The following PRKG1 variants were observed in gnomAD, a reference collection of about 807,000 sequenced individuals.
PRKG1 encodes protein kinase cGMP-dependent 1.
A neutral mutation model predicts 88.1 loss-of-function variants in PRKG1; 35 were observed. The ratio of observed to expected loss-of-function variants is 0.40; its 90% CI spans 0.30 to 0.53. PRKG1 has a LOEUF of 0.53. Among genes scored for constraint, PRKG1 ranks in the 20% least tolerant of loss-of-function variants. The pLI is 0.59. For synonymous variants in PRKG1, 303 were observed against 292.5 expected, an observed-to-expected ratio of 1.04 and a Z score of -0.37; for missense variants, 540 against 839.8, an observed-to-expected ratio of 0.64 and a Z score of 4.41.
At chr10:51,166,176 A>G (rs1846533356) in intron 2 of PRKG1, among the ~76,000 whole-genome samples, 1 of 151,880 alleles carries the variant, frequency 6.6e-6, no homozygotes, top group Admixed American at 6.6e-5. Context: ...TTGATGGTTC[A>G]CTCAATGACG....
chr10:52,260,163 A>C (rs887502824), intron 10 of PRKG1, among the ~76,000 whole-genome samples: 2 of 152,006 alleles, frequency 1.3e-5, no homozygotes, highest in African/African-American at 4.8e-5. Context: ...ATTTTAAAAA[A>C]TATTTTAAAT....
intron 3 of PRKG1, among the ~76,000 whole-genome samples, chr10:51,641,725 C>T (rs1478281093): frequency 6.6e-6 from 1 of 152,132 alleles, no homozygotes; most frequent in Non-Finnish European, 1.5e-5. Context: ...CACTGCTAAC[C>T]TCCCACCATC....
chr10:52,155,004 T>C (rs2132674673), intron 8 of PRKG1, among the ~76,000 whole-genome samples: 1 of 152,330 alleles, frequency 6.6e-6, no homozygotes, highest in East Asian at 1.9e-4. Context: ...TATTCCATGG[T>C]GTATATATAC....
At chr10:51,218,530 T>A (rs1017700626) in intron 2 of PRKG1, among the ~76,000 whole-genome samples, 9 of 62,570 alleles carry the variant, frequency 1.4e-4, no homozygotes, top group South Asian at 4.5e-4. Flanking sequence ...TATATATATA[T>A]AAAATGTGTG....
chr10:51,274,311 G>T (rs192165895), intron 2 of PRKG1, among the ~76,000 whole-genome samples: 1 of 152,198 alleles, frequency 6.6e-6, no homozygotes, highest in East Asian at 1.9e-4. Flanking sequence ...AGACTTCTGA[G>T]AACTTGTTAT....
intron 5 of PRKG1, among the ~76,000 whole-genome samples, chr10:51,913,772 A>G (rs1842277655): frequency 6.6e-6 from 1 of 152,218 alleles, no homozygotes; most frequent in Non-Finnish European, 1.5e-5. Flanking sequence ...AATCGAGACA[A>G]TAAATATTAG....
intron 3 of PRKG1, among the ~76,000 whole-genome samples, chr10:51,747,872 C>T (rs764712277): frequency 4.6e-5 from 7 of 151,966 alleles, no homozygotes; most frequent in African/African-American, 9.7e-5. Flanking sequence ...CAGGTTCAAG[C>T]GAGAATTCTT....
At chr10:51,768,409 A>G (rs1438061503) in intron 3 of PRKG1, among the ~76,000 whole-genome samples, 1 of 152,172 alleles carries the variant, frequency 6.6e-6, no homozygotes, top group East Asian at 1.9e-4. Flanking sequence ...CTTAATTTTA[A>G]AATATATGGC....
chr10:51,773,021 A>G (rs1007343653), intron 3 of PRKG1, among the ~76,000 whole-genome samples: 1 of 152,112 alleles, frequency 6.6e-6, no homozygotes, highest in Non-Finnish European at 1.5e-5. Flanking sequence ...TTTCAATAGA[A>G]TGGACCATAC....
chr10:52,233,973 C>A (rs927745596), intron 9 of PRKG1, among the ~76,000 whole-genome samples: 36 of 151,788 alleles, frequency 2.4e-4, no homozygotes, highest in East Asian at 3.9e-4. Context: ...ATCTGAGAAC[C>A]GGCAGACTGC....
At chr10:51,801,920 A>G (rs1006716313) in intron 3 of PRKG1, among the ~76,000 whole-genome samples, 1 of 152,156 alleles carries the variant, frequency 6.6e-6, no homozygotes, top group Non-Finnish European at 1.5e-5. Flanking sequence ...CAAAAAGGAA[A>G]ATCACTTCCC....
intron 2 of PRKG1, among the ~76,000 whole-genome samples, chr10:51,401,253 T>G (rs1357864842): frequency 6.6e-6 from 1 of 152,222 alleles, no homozygotes; most frequent in African/African-American, 2.4e-5. Flanking sequence ...ATATTTTACA[T>G]TTATAGCACA....
intron 3 of PRKG1, among the ~76,000 whole-genome samples, chr10:51,798,407 G>A (rs1466219958): frequency 1.3e-5 from 2 of 151,976 alleles, no homozygotes; most frequent in East Asian, 1.9e-4. Context: ...GGTTAGTGGT[G>A]TTGAACATCA....
At chr10:52,168,825 A>T (rs1299267056) in intron 9 of PRKG1, among the ~76,000 whole-genome samples, 3 of 152,096 alleles carry the variant, frequency 2.0e-5, no homozygotes, top group Non-Finnish European at 4.4e-5. Flanking sequence ...TTTGATCTGA[A>T]TATTGGAGAG....
In PRKG1 at chr10:51,518,485, G is replaced by A. The variant is rs193212663; in HGVS notation, c.592+50649G>A. On this transcript the variant is annotated intron_variant, in intron 3 of 17. Coordinates refer to ENST00000373980, the MANE Select transcript of PRKG1 (RefSeq NM_006258.4). ...GTCTTCAACATGAGACTCTCTTGTAGCATTGACATCCTGTTAGCATAGTCT... is the reference window on the plus strand; with the variant it reads ...GTCTTCAACATGAGACTCTCTTGTAACATTGACATCCTGTTAGCATAGTCT... 4.1e-4 allele frequency among the ~76,000 whole-genome samples: 62 copies of A among 152,240 alleles called. 1 individual carries two copies. Among genetic ancestry groups the A allele is most frequent in the African/African-American group, 1.4e-3 (58 of 41,530 alleles).
At chr10:51,319,350 C>T (rs1230699071) in intron 2 of PRKG1, among the ~76,000 whole-genome samples, 1 of 151,832 alleles carries the variant, frequency 6.6e-6, no homozygotes, top group Non-Finnish European at 1.5e-5. Flanking sequence ...TTTTATAGAT[C>T]CCTAGAAGAA....
intron 7 of PRKG1, among the ~76,000 whole-genome samples, chr10:52,129,341 A>T (rs776302132): frequency 6.6e-6 from 1 of 152,220 alleles, no homozygotes; most frequent in Non-Finnish European, 1.5e-5. Flanking sequence ...GACCCATAAA[A>T]GATATAAACA....
At chr10:51,087,361 T>C (rs927557397) in intron 1 of PRKG1, among the ~76,000 whole-genome samples, 1 of 152,188 alleles carries the variant, frequency 6.6e-6, no homozygotes, top group Non-Finnish European at 1.5e-5. Context: ...CTGTATACCA[T>C]ATATGTGATC....
chr10:52,199,892 G>T (rs1839616653), intron 9 of PRKG1, among the ~76,000 whole-genome samples: 1 of 152,138 alleles, frequency 6.6e-6, no homozygotes, highest in Non-Finnish European at 1.5e-5. Flanking sequence ...TCATGAAAGA[G>T]TAATGTGGAC....
Sources: gnomAD v4.1 joint callset for allele counts (sites outside exome capture counted in the v4.1 genomes callset) on GRCh38, gnomAD v4.1.1 for gene constraint, MANE v1.5 for transcripts, NCBI Gene and HGNC (gene_info 2026-07-23, HGNC 2026-07-21) for gene names.